Variants in PDE1A observed in about 807,000 individuals in gnomAD.
PDE1A encodes the protein phosphodiesterase 1A.
PDE1A carries 35 observed loss-of-function variants against 61.7 expected under a neutral mutation model. The ratio of observed to expected loss-of-function variants is 0.57; its 90% CI spans 0.43 to 0.75. The LOEUF is 0.75. Ranked by LOEUF, PDE1A falls within the 30% of genes least tolerant of loss-of-function variation. PDE1A has a pLI of 0.00. For missense variants in PDE1A, 597 were observed against 630.6 expected (o/e 0.95, Z 0.57); for synonymous variants, 232 against 213.2 (o/e 1.09, Z -0.77).
At chr2:182,578,281 GT>G in the PDE1A span, among the ~76,000 whole-genome samples, 1 of 151,816 alleles carries the variant, frequency 6.6e-6, no homozygotes, top group Non-Finnish European at 1.5e-5. Flanking sequence ...TATCATCTGA[GT>G]TTCTTACAAA....
intron 2 of PDE1A, among the ~76,000 whole-genome samples, chr2:182,448,667 C>T (rs989537051): frequency 7.2e-5 from 11 of 152,086 alleles, no homozygotes; most frequent in African/African-American, 2.2e-4. Flanking sequence ...CAATTTTCAT[C>T]TACCAACAAA....
At chr2:182,243,136 C>G (rs73977315) in intron 2 of PDE1A, among the ~76,000 whole-genome samples, 4,740 of 151,974 alleles carry the variant, frequency 0.031, 249 homozygotes, top group African/African-American at 0.11. Context: ...AATAAAATGC[C>G]TTTTTAGCAA....
At chr2:182,258,333 A>T (rs1456504600) in intron 2 of PDE1A, among the ~76,000 whole-genome samples, 1 of 152,194 alleles carries the variant, frequency 6.6e-6, no homozygotes. Context: ...GAGGAAAAAA[A>T]TAGGTAAGAA....
At chr2:182,303,326 G>A (rs551331955) in intron 1 of PDE1A, among the ~76,000 whole-genome samples, 10 of 152,240 alleles carry the variant, frequency 6.6e-5, no homozygotes, top group African/African-American at 2.2e-4. Context: ...TTTGTTAGCA[G>A]GCATGAAAAT....
At chr2:182,333,350 T>C (rs1697555039) in intron 1 of PDE1A, among the ~76,000 whole-genome samples, 1 of 152,080 alleles carries the variant, frequency 6.6e-6, no homozygotes. Context: ...CCTCAGCAAA[T>C]GCAAAAGGAC....
intron 3 of PDE1A, among the ~76,000 whole-genome samples, chr2:182,236,077 T>C (rs936687830): frequency 1.3e-5 from 2 of 152,210 alleles, no homozygotes; most frequent in Non-Finnish European, 2.9e-5. Context: ...CTCCATTTTA[T>C]TCTAGAGACC....
chr2:182,645,366 G>A, the PDE1A span, among the ~76,000 whole-genome samples: 1 of 151,980 alleles, frequency 6.6e-6, no homozygotes, highest in African/African-American at 2.4e-5. Context: ...TTTCTGTGAG[G>A]GCATTCTTTC....
chr2:182,617,069 T>C, the PDE1A span, among the ~76,000 whole-genome samples: 1 of 152,244 alleles, frequency 6.6e-6, no homozygotes, highest in African/African-American at 2.4e-5. Context: ...GTAACCTCTA[T>C]GTCCTTGGAA....
At chr2:182,479,498 G>A (rs1388425163) in intron 2 of PDE1A, among the ~76,000 whole-genome samples, 2 of 151,710 alleles carry the variant, frequency 1.3e-5, no homozygotes, top group African/African-American at 2.4e-5. Context: ...GGAAAAATAG[G>A]GAAGAAAGGC....
At chr2:182,652,384 C>A in the PDE1A span, among the ~76,000 whole-genome samples, 1 of 152,116 alleles carries the variant, frequency 6.6e-6, no homozygotes, top group Non-Finnish European at 1.5e-5. Flanking sequence ...CTCTCTAGAT[C>A]GACCTCCTAC....
the PDE1A span, among the ~76,000 whole-genome samples, chr2:182,572,569 T>C: frequency 1.3e-5 from 2 of 152,162 alleles, no homozygotes; most frequent in Admixed American, 6.6e-5. Flanking sequence ...TAAACATTTA[T>C]AAGGCCTACA....
chr2:182,165,390 T>A (rs184851669), downstream of PDE1A, among the ~76,000 whole-genome samples: 1 of 152,270 alleles, frequency 6.6e-6, no homozygotes, highest in Non-Finnish European at 1.5e-5. Flanking sequence ...TCCTCATGAT[T>A]CTTGAGTCAA....
chr2:182,381,813 AAATAAT>A (rs570944722), intron 1 of PDE1A, among the ~76,000 whole-genome samples: 3,121 of 151,124 alleles, frequency 0.021, 108 homozygotes, highest in African/African-American at 0.072. Context: ...CTCTGTCTCA[AAATAAT>A]AATAATAATA....
intron 7 of PDE1A, 24 bp downstream of exon 7, chr2:182,223,840 A>C (rs1169539606): frequency 7.5e-7 from 1 of 1,336,148 alleles, no homozygotes. Flanking sequence ...TAACTAATGA[A>C]AGTTAATACT....
At chr2:182,616,743 C>G in the PDE1A span, among the ~76,000 whole-genome samples, 4 of 152,194 alleles carry the variant, frequency 2.6e-5, no homozygotes, top group African/African-American at 9.7e-5. Flanking sequence ...GAATTATCTG[C>G]AGATCTTTTA....
chr2:182,186,391 G>A, intron 12 of PDE1A, 77 bp downstream of exon 12: 1 of 1,499,196 alleles, frequency 6.7e-7, no homozygotes, highest in Non-Finnish European at 9.1e-7. Context: ...GCCTAGATGT[G>A]AGAAATATAA....
intron 1 of PDE1A, among the ~76,000 whole-genome samples, chr2:182,306,690 A>T (rs527413663): frequency 6.6e-6 from 1 of 152,302 alleles, no homozygotes; most frequent in South Asian, 2.1e-4. Flanking sequence ...ATTTTTGATG[A>T]AAGTGCAAGA....
At chr2:182,566,588 C>G in the PDE1A span, among the ~76,000 whole-genome samples, 2 of 151,738 alleles carry the variant, frequency 1.3e-5, no homozygotes, top group African/African-American at 4.8e-5. Flanking sequence ...TTTCTAGTTT[C>G]TCAAGATGTA....
the PDE1A span, among the ~76,000 whole-genome samples, chr2:182,593,637 T>C: frequency 6.6e-6 from 1 of 152,202 alleles, no homozygotes; most frequent in Admixed American, 6.5e-5. Context: ...TAAAAAGATA[T>C]ATAATTATGT....
Sources: gnomAD v4.1 joint callset for allele counts (sites outside exome capture counted in the v4.1 genomes callset) on GRCh38, gnomAD v4.1.1 for gene constraint, MANE v1.5 for transcripts, NCBI Gene and HGNC (gene_info 2026-07-23, HGNC 2026-07-21) for gene names.